Variants in GRIN2A observed in about 807,000 individuals in gnomAD.
The protein encoded by GRIN2A is glutamate ionotropic receptor NMDA type subunit 2A.
In GRIN2A, 22 loss-of-function variants were observed where a neutral mutation model predicts 113.4. That is an observed-to-expected ratio of 0.19 (90% CI 0.14 to 0.28). The LOEUF is 0.28. Ranked by LOEUF, GRIN2A falls within the 10% of genes least tolerant of loss-of-function variation. The pLI is 1.00. For missense variants in GRIN2A, 1,502 were observed against 1,887.0 expected, an observed-to-expected ratio of 0.80 and a Z score of 3.78; for synonymous variants, 827 against 738.4, an observed-to-expected ratio of 1.12 and a Z score of -1.94.
intron 2 of GRIN2A, among the ~76,000 whole-genome samples, chr16:9,996,804 G>T (rs2046231367): frequency 6.6e-6 from 1 of 152,112 alleles, no homozygotes; most frequent in South Asian, 2.1e-4. Flanking sequence ...ATGAATAGGG[G>T]TGGGGATTTC....
chr16:9,901,751 C>G (rs2043930571), intron 3 of GRIN2A, among the ~76,000 whole-genome samples: 1 of 152,138 alleles, frequency 6.6e-6, no homozygotes, highest in African/African-American at 2.4e-5. Context: ...ACATCCCACG[C>G]CTGACCAGGG....
intron 5 of GRIN2A, among the ~76,000 whole-genome samples, chr16:9,841,671 C>T (rs2042682103): frequency 6.6e-6 from 1 of 152,136 alleles, no homozygotes; most frequent in South Asian, 2.1e-4. Flanking sequence ...GGTTCTATTC[C>T]ATGCCTGATT....
intron 2 of GRIN2A, among the ~76,000 whole-genome samples, chr16:10,051,554 A>G (rs539142254): frequency 1.1e-4 from 17 of 152,210 alleles, no homozygotes; most frequent in Non-Finnish European, 2.4e-4. Flanking sequence ...AAGTATACAA[A>G]GCTGGAAGGA....
chr16:9,807,126 C>A (rs1000027351), intron 10 of GRIN2A, among the ~76,000 whole-genome samples: 19 of 148,806 alleles, frequency 1.3e-4, no homozygotes, highest in African/African-American at 4.7e-4. Flanking sequence ...CATTAAACAT[C>A]TTTTTCCTTA....
intron 4 of GRIN2A, among the ~76,000 whole-genome samples, chr16:9,888,161 G>A (rs1375060038): frequency 2.6e-5 from 4 of 152,070 alleles, no homozygotes; most frequent in South Asian, 2.1e-4. Flanking sequence ...GGCTGGTCTC[G>A]AACTCCTGAC....
At chr16:10,129,372 TA>T (rs35049231) in intron 2 of GRIN2A, among the ~76,000 whole-genome samples, 13,272 of 151,944 alleles carry the variant, frequency 0.087, 674 homozygotes, top group Non-Finnish European at 0.11. Context: ...GGAGTTTGAT[TA>T]AAAAAAAAAC....
Position 9,958,700 on chromosome 16 carries a change from G to A in GRIN2A, c.415-20149C>T, listed in dbSNP as rs531954224. Among the ~76,000 whole-genome samples the A allele has an allele frequency of 5.3e-5, 8 of 152,106 alleles. No homozygotes were observed. The South Asian group carries it at 6.2e-4, about 12-fold the overall frequency. On this transcript the variant is annotated intron_variant, in intron 2 of 12. Transcript: ENST00000330684. ...TATTAGGTTTCAGTTGCATATATTC[G>A]TTTGCATACCAGATTGCAAGCAGAG...
At chr16:9,926,220 A>G (rs139904292) in intron 3 of GRIN2A, among the ~76,000 whole-genome samples, 1 of 152,222 alleles carries the variant, frequency 6.6e-6, no homozygotes. Flanking sequence ...ACCAAGAAGG[A>G]GGTTTATGAT....
chr16:10,169,095 T>C (rs1029790931), intron 2 of GRIN2A, among the ~76,000 whole-genome samples: 1 of 151,732 alleles, frequency 6.6e-6, no homozygotes, highest in African/African-American at 2.4e-5. Context: ...GCCCATGGAG[T>C]ATCTGAACAC....
intron 4 of GRIN2A, among the ~76,000 whole-genome samples, chr16:9,873,014 C>T (rs1156811089): frequency 6.6e-6 from 1 of 152,128 alleles, no homozygotes; most frequent in Middle Eastern, 3.2e-3. Flanking sequence ...CACTATTCTC[C>T]AGCCTGGGCA....
chr16:10,141,450 T>C (rs1013336961), intron 2 of GRIN2A, among the ~76,000 whole-genome samples: 15 of 152,136 alleles, frequency 9.9e-5, no homozygotes, highest in African/African-American at 3.4e-4. Flanking sequence ...ATCATGCCGC[T>C]GCACTCCAGC....
At chr16:9,899,437 T>A (rs1444443942) in intron 3 of GRIN2A, among the ~76,000 whole-genome samples, 4 of 34,466 alleles carry the variant, frequency 1.2e-4, no homozygotes, top group Non-Finnish European at 1.4e-4. Flanking sequence ...CAAAACTCCG[T>A]CTCAAAAAAA....
At chr16:10,127,144 A>C (rs2048956216) in intron 2 of GRIN2A, among the ~76,000 whole-genome samples, 1 of 152,184 alleles carries the variant, frequency 6.6e-6, no homozygotes, top group Non-Finnish European at 1.5e-5. Flanking sequence ...CCTTGGGAGA[A>C]ACGCTTGAAC....
intron 3 of GRIN2A, among the ~76,000 whole-genome samples, chr16:9,892,419 G>T (rs1475927482): frequency 6.6e-6 from 1 of 152,140 alleles, no homozygotes; most frequent in Non-Finnish European, 1.5e-5. Context: ...TTTGACTCTG[G>T]TTGTGGCCAA....
At chr16:10,107,887 A>AAAACGTGCAAAGT (rs1252793112) in intron 2 of GRIN2A, among the ~76,000 whole-genome samples, 6 of 152,368 alleles carry the variant, frequency 3.9e-5, no homozygotes, top group African/African-American at 1.2e-4. Flanking sequence ...AGAGGTGCAC[A>AAAACGTGCAAAGT]AAACGTGCAA....
chr16:9,921,248 T>G lies in GRIN2A; in HGVS notation c.1007+16711A>C, dbSNP rs116832651. Among the ~76,000 whole-genome samples, 580 of 152,352 alleles carry G rather than the reference T, an allele frequency of 3.8e-3. 1 individual carries two copies. The highest frequency in any genetic ancestry group is 0.013 in the African/African-American group (548 of 41,576). On this transcript the variant is annotated intron_variant, in intron 3 of 12. Coordinates refer to ENST00000330684, the MANE Select transcript of GRIN2A (RefSeq NM_001134407.3). ...AGAAAGGTTTTGTAGTTTATAAAAT[T>G]AATTTCCATCAGTCACACTTTCATG... is the stretch of plus-strand genomic sequence containing the variant.
At chr16:10,079,515 G>A (rs1325543874) in intron 2 of GRIN2A, among the ~76,000 whole-genome samples, 1 of 152,176 alleles carries the variant, frequency 6.6e-6, no homozygotes, top group African/African-American at 2.4e-5. Flanking sequence ...TAGGGCCCTT[G>A]GGAGGTGATT....
intron 2 of GRIN2A, among the ~76,000 whole-genome samples, chr16:10,160,296 C>T (rs935933427): frequency 2.8e-4 from 42 of 152,148 alleles, no homozygotes; most frequent in African/African-American, 9.4e-4. Flanking sequence ...TCAATACAAG[C>T]GGGATATGGT....
intron 11 of GRIN2A, among the ~76,000 whole-genome samples, chr16:9,784,554 C>T (rs1192579282): frequency 6.6e-6 from 1 of 151,298 alleles, no homozygotes; most frequent in Non-Finnish European, 1.5e-5. Flanking sequence ...TCTAAAACAC[C>T]AAAAGCAATG....
Sources: allele counts gnomAD v4.1 joint callset (sites outside exome capture counted in the v4.1 genomes callset), GRCh38; gene constraint gnomAD v4.1.1; transcripts MANE v1.5; gene names NCBI Gene and HGNC (gene_info 2026-07-23, HGNC 2026-07-21).